The following LRBA variants were observed in gnomAD, a reference collection of about 807,000 sequenced individuals.
LRBA encodes the protein LPS responsive beige-like anchor protein.
A neutral mutation model predicts 330.0 loss-of-function variants in LRBA; 176 were observed. The observed-to-expected ratio is 0.53, with a 90% CI of 0.47 to 0.60. LRBA has a LOEUF of 0.60. Among genes scored for constraint, LRBA ranks in the 20% least tolerant of loss-of-function variants. The pLI, the probability that LRBA is intolerant of heterozygous loss-of-function variation, is 0.00. For synonymous variants in LRBA, 1,230 were observed against 1,193.0 expected, an observed-to-expected ratio of 1.03 and a Z score of -0.64; for missense variants, 3,259 against 3,444.8, an observed-to-expected ratio of 0.95 and a Z score of 1.35.
intron 35 of LRBA, among the ~76,000 whole-genome samples, chr4:150,737,424 C>T (rs1022910456): frequency 2.0e-5 from 3 of 151,734 alleles, no homozygotes; most frequent in Admixed American, 6.6e-5. Flanking sequence ...TGCACCATTG[C>T]GCTCCAGCCT....
At chr4:150,809,901 ATACG>A (rs1743431582) in intron 31 of LRBA, among the ~76,000 whole-genome samples, 2 of 150,062 alleles carry the variant, frequency 1.3e-5, no homozygotes, top group Admixed American at 1.3e-4. Flanking sequence ...ATACGATACG[ATACG>A]ATACGATACG....
intron 40 of LRBA, among the ~76,000 whole-genome samples, chr4:150,554,241 G>A (rs1053684549): frequency 1.5e-4 from 21 of 144,280 alleles, no homozygotes; most frequent in Middle Eastern, 3.5e-3. Context: ...AACTTTCACA[G>A]GGGAAAGAGG....
intron 37 of LRBA, among the ~76,000 whole-genome samples, chr4:150,665,059 C>A (rs1781450040): frequency 6.6e-6 from 1 of 152,100 alleles, no homozygotes; most frequent in Admixed American, 6.5e-5. Context: ...AAAGGGAGTG[C>A]CATGGTACAA....
intron 37 of LRBA, among the ~76,000 whole-genome samples, chr4:150,682,815 A>G: frequency 6.6e-6 from 1 of 152,246 alleles, no homozygotes; most frequent in Middle Eastern, 3.4e-3. Flanking sequence ...GTTTTCTAAT[A>G]GCAAAATAAA....
Position 150,977,946 on chromosome 4 carries a change from G to C in LRBA, c.216+36481C>G, listed in dbSNP as rs1250899961. Among the ~76,000 whole-genome samples, 4 of 152,258 alleles carry C rather than the reference G, an allele frequency of 2.6e-5. 1 individual carries two copies. The highest frequency in any genetic ancestry group is 2.6e-4 in the Admixed American group (4 of 15,290). Reference sequence around the variant, plus strand: ...TGGATGGCCTCTCTAGACCTGCCAAGGGCCTCAGGAAACACGCTACCCTGA... The same window carrying C: ...TGGATGGCCTCTCTAGACCTGCCAACGGCCTCAGGAAACACGCTACCCTGA... On this transcript the variant is annotated intron_variant, in intron 2 of 56. Coordinates refer to ENST00000651943, the MANE Select transcript of LRBA (RefSeq NM_001364905.1).
intron 4 of LRBA, among the ~76,000 whole-genome samples, chr4:150,922,981 G>A (rs992034295): frequency 6.6e-6 from 1 of 152,034 alleles, no homozygotes; most frequent in African/African-American, 2.4e-5. Flanking sequence ...CAGAGTCCAT[G>A]CTTTTAAACA....
At chr4:150,628,898 C>T (rs1777103960) in intron 37 of LRBA, among the ~76,000 whole-genome samples, 1 of 152,148 alleles carries the variant, frequency 6.6e-6, no homozygotes, top group Non-Finnish European at 1.5e-5. Flanking sequence ...TCATTCCTCT[C>T]AAAATTTTTG....
chr4:151,007,757 T>C (rs1744272902), intron 2 of LRBA, among the ~76,000 whole-genome samples: 1 of 149,406 alleles, frequency 6.7e-6, no homozygotes, highest in South Asian at 2.1e-4. Flanking sequence ...CTTGGGAGGC[T>C]GAGGCAGGAG....
intron 40 of LRBA, among the ~76,000 whole-genome samples, chr4:150,541,299 T>C (rs888183619): frequency 4.6e-5 from 7 of 152,180 alleles, no homozygotes; most frequent in Non-Finnish European, 1.0e-4. Flanking sequence ...ACCCAGCTTC[T>C]ACTTATCTCT....
chr4:150,975,337 C>T (rs965375189), intron 2 of LRBA, among the ~76,000 whole-genome samples: 1 of 151,994 alleles, frequency 6.6e-6, no homozygotes, highest in African/African-American at 2.4e-5. Flanking sequence ...AGAGACCAGC[C>T]TGGCCAACGT....
At chr4:150,457,426 C>T (rs976163707) in intron 44 of LRBA, among the ~76,000 whole-genome samples, 16 of 151,934 alleles carry the variant, frequency 1.1e-4, no homozygotes, top group African/African-American at 3.9e-4. Context: ...ATTATTTGAA[C>T]AAACACATTG....
intron 34 of LRBA, among the ~76,000 whole-genome samples, chr4:150,795,541 C>T (rs1740662535): frequency 6.6e-6 from 1 of 151,978 alleles, no homozygotes; most frequent in South Asian, 2.1e-4. Flanking sequence ...TCTATTTTTA[C>T]AAACCTCATA....
intron 56 of LRBA, among the ~76,000 whole-genome samples, chr4:150,266,538 C>T (rs1049531680): frequency 6.6e-6 from 1 of 152,098 alleles, no homozygotes; most frequent in Non-Finnish European, 1.5e-5. Flanking sequence ...TTGGTTAGGA[C>T]CAGCCCTTAG....
At chr4:150,495,861 T>C (rs1450206356) in intron 40 of LRBA, among the ~76,000 whole-genome samples, 1 of 152,224 alleles carries the variant, frequency 6.6e-6, no homozygotes, top group Non-Finnish European at 1.5e-5. Flanking sequence ...TCTGCAGTTA[T>C]GACCTCAACT....
At chr4:150,839,382 A>G (rs1265237789) in intron 28 of LRBA, among the ~76,000 whole-genome samples, 1 of 152,210 alleles carries the variant, frequency 6.6e-6, no homozygotes, top group Non-Finnish European at 1.5e-5. Context: ...CCATCCCATT[A>G]CTGGGTATAT....
intron 48 of LRBA, among the ~76,000 whole-genome samples, chr4:150,339,886 C>T (rs1213517036): frequency 2.0e-5 from 3 of 147,580 alleles, no homozygotes; most frequent in East Asian, 4.0e-4. Context: ...GGTTTGGCTG[C>T]GTCCCTACCC....
chr4:150,893,144 G>T lies in LRBA; in HGVS notation c.2073C>A (p.Asp691Glu). Reference protein sequence around the residue: ...LNYLLTMHEDDNLMDVLQLLV... With the variant: ...LNYLLTMHEDENLMDVLQLLV... ...GCAGCTGTAGGACATCCATTAGATTGTCATCCTATAATCATTTTAGAAATT... is the reference window on the plus strand; with the variant it reads ...GCAGCTGTAGGACATCCATTAGATTTTCATCCTATAATCATTTTAGAAATT... The change falls in exon 17 of 57, where the codon GAC becomes GAA. Residue 691 changes from aspartate to glutamate, a missense_variant. Asp to Glu is a conservative substitution (Grantham distance 45, BLOSUM62 2). Transcript: ENST00000651943. 17 of 1,593,518 alleles carry T rather than the reference G, an allele frequency of 1.1e-5. No homozygotes were observed. The highest frequency in any genetic ancestry group is 1.5e-5 in the Non-Finnish European group (17 of 1,164,434).
intron 47 of LRBA, among the ~76,000 whole-genome samples, chr4:150,352,304 G>A (rs1252339644): frequency 6.6e-6 from 1 of 152,034 alleles, no homozygotes; most frequent in Non-Finnish European, 1.5e-5. Context: ...GTAAAGATAC[G>A]CTTTATTAAA....
intron 47 of LRBA, among the ~76,000 whole-genome samples, chr4:150,351,351 T>C (rs1737124737): frequency 6.6e-6 from 1 of 152,170 alleles, no homozygotes; most frequent in Non-Finnish European, 1.5e-5. Context: ...AATAATTATA[T>C]TAAAATCAAA....
Sources: gnomAD v4.1 joint callset for allele counts (sites outside exome capture counted in the v4.1 genomes callset) on GRCh38, gnomAD v4.1.1 for gene constraint, MANE v1.5 for transcripts, NCBI Gene and HGNC (gene_info 2026-07-23, HGNC 2026-07-21) for gene names.